Variants in ACOXL observed in about 807,000 individuals in gnomAD.
The protein encoded by ACOXL is acyl-coenzyme A oxidase-like protein.
In ACOXL, 70 loss-of-function variants were observed where a neutral mutation model predicts 71.9. The observed-to-expected ratio is 0.97, with a 90% CI of 0.80 to 1.19. The LOEUF is 1.19. Among genes scored for constraint, ACOXL ranks in the 50% most tolerant of loss-of-function variants. ACOXL has a pLI of 0.00. For synonymous variants in ACOXL, 253 were observed against 281.6 expected, an observed-to-expected ratio of 0.90 and a Z score of 1.02; for missense variants, 703 against 736.3, an observed-to-expected ratio of 0.95 and a Z score of 0.52.
intron 1 of ACOXL, among the ~76,000 whole-genome samples, chr2:110,758,477 T>TG (rs2104879065): frequency 6.6e-6 from 1 of 152,288 alleles, no homozygotes; most frequent in African/African-American, 2.4e-5. Flanking sequence ...ATACATTATT[T>TG]GGGGCAGTAT....
chr2:110,782,615 A>G (rs920032555), intron 2 of ACOXL, among the ~76,000 whole-genome samples: 6 of 152,224 alleles, frequency 3.9e-5, no homozygotes, highest in Non-Finnish European at 5.9e-5. Flanking sequence ...GCAATTTATA[A>G]TGCTCTATGA....
chr2:110,948,100 A>G (rs139103364), intron 12 of ACOXL, among the ~76,000 whole-genome samples: 245 of 152,276 alleles, frequency 1.6e-3, no homozygotes, highest in African/African-American at 5.8e-3. Context: ...ACAAAGAAGA[A>G]CAGAAACAGC....
intron 2 of ACOXL, among the ~76,000 whole-genome samples, chr2:110,779,947 T>A (rs752006014): frequency 7.9e-5 from 12 of 152,204 alleles, no homozygotes; most frequent in Non-Finnish European, 1.8e-4. Context: ...GAAAATATAC[T>A]AATGAACTGG....
intron 16 of ACOXL, among the ~76,000 whole-genome samples, chr2:111,068,274 T>G (rs1188349450): frequency 6.6e-6 from 1 of 152,084 alleles, no homozygotes; most frequent in Non-Finnish European, 1.5e-5. Context: ...GTGCTGGAGC[T>G]CCCCACATGG....
intron 7 of ACOXL, among the ~76,000 whole-genome samples, chr2:110,800,988 T>TA (rs1225403910): frequency 6.6e-6 from 1 of 152,188 alleles, no homozygotes; most frequent in Non-Finnish European, 1.5e-5. Flanking sequence ...GGTGAAGTTC[T>TA]AAATAAAGAC....
chr2:111,084,422 T>C (rs1302443687), intron 16 of ACOXL, among the ~76,000 whole-genome samples: 1 of 152,094 alleles, frequency 6.6e-6, no homozygotes, highest in Admixed American at 6.5e-5. Flanking sequence ...AATAATCTTA[T>C]AAAAATTTAA....
At chr2:110,982,515 C>G (rs1558823535) in intron 12 of ACOXL, among the ~76,000 whole-genome samples, 1 of 152,074 alleles carries the variant, frequency 6.6e-6, no homozygotes, top group Non-Finnish European at 1.5e-5. Context: ...GACATCTTGC[C>G]TTGATGGGAT....
intron 12 of ACOXL, among the ~76,000 whole-genome samples, chr2:110,973,963 C>T (rs773245345): frequency 3.3e-5 from 5 of 152,108 alleles, no homozygotes; most frequent in Non-Finnish European, 5.9e-5. Context: ...TGCTTGTTTG[C>T]CATCAGTCAG....
intron 1 of ACOXL, among the ~76,000 whole-genome samples, chr2:110,767,923 A>AACACACACACACAC (rs58524964): frequency 8.7e-6 from 1 of 114,364 alleles, no homozygotes; most frequent in Admixed American, 8.8e-5. Context: ...GTCTCTACTA[A>AACACACACACACAC]ACACACACAC....
intron 2 of ACOXL, 49 bp downstream of exon 2, chr2:110,768,513 T>TGTGTGTGTGTGTGTGTGTGA (rs397975396): frequency 2.2e-6 from 2 of 929,830 alleles, no homozygotes; most frequent in African/African-American, 3.5e-5. Flanking sequence ...TGTGTGTGTG[T>TGTGTGTGTGTGTGTGTGTGA]GAGAGAGAGA....
chr2:110,995,331 C>T (rs56965314), intron 13 of ACOXL, among the ~76,000 whole-genome samples: 1 of 150,842 alleles, frequency 6.6e-6, no homozygotes, highest in African/African-American at 2.4e-5. Flanking sequence ...GAAACCCTGT[C>T]TCTACTAAAA....
chr2:111,117,387 G>C (rs1268432937), intron 17 of ACOXL, among the ~76,000 whole-genome samples: 3 of 152,218 alleles, frequency 2.0e-5, no homozygotes, highest in Non-Finnish European at 4.4e-5. Flanking sequence ...ACCCCCTTAC[G>C]GGAAAAGCCG....
At chr2:110,962,250 A>C (rs192885975) in intron 12 of ACOXL, among the ~76,000 whole-genome samples, 84 of 152,362 alleles carry the variant, frequency 5.5e-4, no homozygotes, top group Admixed American at 9.1e-4. Context: ...AAATGAGTCC[A>C]CTGTAGCCTT....
intron 11 of ACOXL, among the ~76,000 whole-genome samples, chr2:110,922,351 C>A (rs993216860): frequency 6.6e-6 from 1 of 152,072 alleles, no homozygotes; most frequent in Non-Finnish European, 1.5e-5. Context: ...ATGATGAAAC[C>A]GGAAAATTTT....
At chr2:110,742,785 T>A (rs1677708763) in intron 1 of ACOXL, among the ~76,000 whole-genome samples, 1 of 152,182 alleles carries the variant, frequency 6.6e-6, no homozygotes, top group Non-Finnish European at 1.5e-5. Context: ...AAACTGTAGA[T>A]CTACTAGAAG....
At chr2:110,772,983 A>G (rs1488323557) in intron 2 of ACOXL, among the ~76,000 whole-genome samples, 1 of 152,200 alleles carries the variant, frequency 6.6e-6, no homozygotes, top group Non-Finnish European at 1.5e-5. Context: ...TTTTTCATAA[A>G]AATTATGCAA....
At chr2:110,994,118 A>C (rs1328484654) in intron 13 of ACOXL, among the ~76,000 whole-genome samples, 1 of 152,226 alleles carries the variant, frequency 6.6e-6, no homozygotes, top group Non-Finnish European at 1.5e-5. Flanking sequence ...CAGGTGGACA[A>C]ACATGTTCTA....
chr2:111,040,155 G>C (rs1450833287), intron 15 of ACOXL, among the ~76,000 whole-genome samples: 2 of 152,192 alleles, frequency 1.3e-5, no homozygotes, highest in Non-Finnish European at 2.9e-5. Context: ...GGTCGCAGCT[G>C]CTCAGGACCT....
At chr2:111,095,999 C>T (rs1006185892) in intron 17 of ACOXL, among the ~76,000 whole-genome samples, 3 of 151,796 alleles carry the variant, frequency 2.0e-5, no homozygotes, top group African/African-American at 7.3e-5. Context: ...AGCCATTCTT[C>T]ACAAAAAATA....
Sources: allele counts gnomAD v4.1 joint callset (sites outside exome capture counted in the v4.1 genomes callset), GRCh38; gene constraint gnomAD v4.1.1; transcripts MANE v1.5; gene names NCBI Gene and HGNC (gene_info 2026-07-23, HGNC 2026-07-21).